NEO1: variants seen among roughly 807,000 people sequenced by gnomAD.
The protein encoded by NEO1 is neogenin 1.
A neutral mutation model predicts 159.7 loss-of-function variants in NEO1; 63 were observed. The ratio of observed to expected loss-of-function variants is 0.39; its 90% CI spans 0.32 to 0.49. The LOEUF is 0.49. Among genes scored for constraint, NEO1 ranks in the 20% least tolerant of loss-of-function variants. The probability of loss-of-function intolerance (pLI) is 0.85; values close to 1 mark genes in which losing one functional copy is unlikely to be tolerated. For missense variants in NEO1, 1,615 were observed against 1,831.0 expected (o/e 0.88, Z 2.15); for synonymous variants, 633 against 662.0 (o/e 0.96, Z 0.67).
chr15:73,186,424 A>G (rs2151992776), intron 7 of NEO1, among the ~76,000 whole-genome samples: 1 of 152,266 alleles, frequency 6.6e-6, no homozygotes, highest in East Asian at 1.9e-4. Context: ...CAGAACAGAA[A>G]CTGAGAATTT....
chr15:73,099,228 T>G, intron 1 of NEO1, among the ~76,000 whole-genome samples: 1 of 152,238 alleles, frequency 6.6e-6, no homozygotes, highest in Admixed American at 6.5e-5. Context: ...CCCTCTTTTC[T>G]TCAATATTAT....
intron 1 of NEO1, among the ~76,000 whole-genome samples, chr15:73,061,216 G>C (rs576837413): frequency 1.3e-5 from 2 of 152,300 alleles, no homozygotes; most frequent in South Asian, 4.1e-4. Context: ...GGTAGTGACA[G>C]TTGCAAGGAA....
intron 1 of NEO1, among the ~76,000 whole-genome samples, chr15:73,056,167 A>G (rs1302212847): frequency 6.6e-6 from 1 of 152,220 alleles, no homozygotes; most frequent in Non-Finnish European, 1.5e-5. Context: ...CCCAAACCCA[A>G]TAAAGCCTCA....
chr15:73,208,735 G>A (rs555187876), intron 7 of NEO1, among the ~76,000 whole-genome samples: 3 of 152,090 alleles, frequency 2.0e-5, no homozygotes, highest in Non-Finnish European at 4.4e-5. Flanking sequence ...CGTGGCACGC[G>A]CCTGTAGTCC....
At position 73,160,585 on chromosome 15, in the gene NEO1, A is replaced by G. The variant is rs1030775417; in HGVS notation, c.1016-15818A>G. On this transcript the variant is annotated intron_variant, in intron 5 of 28. Coordinates refer to ENST00000261908, the MANE Select transcript of NEO1 (RefSeq NM_002499.4). ...TGACTAGCTACAGATTGAGGTTCCC[A>G]TGATCCCCTTGTTGGGTTTTATTAA... Among the ~76,000 whole-genome samples the G allele has an allele frequency of 8.7e-4, 133 of 152,168 alleles. 1 individual carries two copies. Among genetic ancestry groups the G allele is most frequent in the African/African-American group, 3.1e-3 (128 of 41,452 alleles).
At chr15:73,250,959 G>A (rs2040037832) in intron 11 of NEO1, among the ~76,000 whole-genome samples, 1 of 152,142 alleles carries the variant, frequency 6.6e-6, no homozygotes, top group Non-Finnish European at 1.5e-5. Context: ...TGTGTACTTT[G>A]TTGGAGAATG....
intron 1 of NEO1, among the ~76,000 whole-genome samples, chr15:73,063,668 G>T (rs1470310619): frequency 6.6e-6 from 1 of 151,864 alleles, no homozygotes; most frequent in East Asian, 1.9e-4. Flanking sequence ...TTGGCCAGGA[G>T]GGTAAAATAC....
chr15:73,070,913 T>A (rs2068499347), intron 1 of NEO1, among the ~76,000 whole-genome samples: 1 of 152,228 alleles, frequency 6.6e-6, no homozygotes, highest in Admixed American at 6.5e-5. Flanking sequence ...TAAGATTATA[T>A]CTTCAGTAGG....
intron 3 of NEO1, among the ~76,000 whole-genome samples, chr15:73,123,648 A>G (rs1202638461): frequency 6.6e-6 from 1 of 151,546 alleles, no homozygotes; most frequent in East Asian, 1.9e-4. Flanking sequence ...ATCTTTTCTC[A>G]CTGTATAACT....
intron 25 of NEO1, among the ~76,000 whole-genome samples, chr15:73,290,392 CA>C (rs2042120435): frequency 3.3e-5 from 5 of 151,786 alleles, no homozygotes; most frequent in Admixed American, 3.3e-4. Context: ...AGGTGCTCGC[CA>C]CCACACCTGG....
At chr15:73,301,602 C>A in intron 28 of NEO1, 145 bp downstream of exon 28, 1 of 1,055,084 alleles carries the variant, frequency 9.5e-7, no homozygotes, top group Non-Finnish European at 1.4e-6. Flanking sequence ...TCAGTAGATA[C>A]AGTGTTGAGC....
intron 25 of NEO1, among the ~76,000 whole-genome samples, chr15:73,291,659 T>C (rs1240780344): frequency 1.3e-5 from 2 of 152,172 alleles, no homozygotes; most frequent in East Asian, 3.9e-4. Context: ...TTGCTGGTGC[T>C]GGGACATGGC....
intron 2 of NEO1, among the ~76,000 whole-genome samples, chr15:73,119,265 A>G (rs189662500): frequency 2.6e-5 from 4 of 152,200 alleles, no homozygotes; most frequent in Admixed American, 2.6e-4. Flanking sequence ...ACTTTATGGT[A>G]TATAAATTAC....
intron 22 of NEO1, among the ~76,000 whole-genome samples, chr15:73,279,122 A>G (rs2041554142): frequency 6.6e-6 from 1 of 152,196 alleles, no homozygotes; most frequent in South Asian, 2.1e-4. Flanking sequence ...CCAGACTTTA[A>G]TGAAATCAGC....
rs915102813 is a variant in NEO1, at chr15:73,140,577, CTG to C, written c.1015+4552_1015+4553del. Among the ~76,000 whole-genome samples the C allele has an allele frequency of 1.7e-3, 260 of 152,090 alleles. 1 individual carries two copies. The highest frequency in any genetic ancestry group is 6.1e-3 in the African/African-American group (254 of 41,512). On this transcript the variant is annotated intron_variant, in intron 5 of 28. Transcript: ENST00000261908. ...TCTAAAAAATAAAAACTTAAAAAAA[CTG>C]TACACAGAAATACCCTATGATATAG...
At chr15:73,194,587 A>G (rs992086305) in intron 7 of NEO1, among the ~76,000 whole-genome samples, 1 of 152,208 alleles carries the variant, frequency 6.6e-6, no homozygotes, top group Non-Finnish European at 1.5e-5. Flanking sequence ...TACTCAGTGC[A>G]AGAAAGACAT....
At chr15:73,148,866 T>C (rs2033140566) in intron 5 of NEO1, among the ~76,000 whole-genome samples, 1 of 151,984 alleles carries the variant, frequency 6.6e-6, no homozygotes, top group African/African-American at 2.4e-5. Context: ...TTTTTTTTTT[T>C]TGGCCAGGGA....
At chr15:73,299,447 G>T (rs1453224387) in intron 27 of NEO1, among the ~76,000 whole-genome samples, 2 of 151,666 alleles carry the variant, frequency 1.3e-5, no homozygotes, top group African/African-American at 2.4e-5. Flanking sequence ...GTACAGTGGG[G>T]CAATCTCGGC....
In NEO1 at chr15:73,274,062, A is replaced by G. The variant is rs892126904; in HGVS notation, c.3160+57A>G. On this transcript the variant is annotated intron_variant, in intron 20 of 28. Coordinates refer to ENST00000261908, the MANE Select transcript of NEO1 (RefSeq NM_002499.4). ...GTGTCTCTTTAGTGGGGCTATGCTGACACTATCACTTGAGCATATAGAGTC... is the reference window on the plus strand; with the variant it reads ...GTGTCTCTTTAGTGGGGCTATGCTGGCACTATCACTTGAGCATATAGAGTC... 16 of 1,488,952 alleles carry G rather than the reference A, an allele frequency of 1.1e-5. 1 individual carries two copies. Among genetic ancestry groups the G allele is most frequent in the African/African-American group, 1.4e-5 (1 of 72,146 alleles). 92.2% of individuals were successfully genotyped at this position (1,488,952 alleles called of 1,614,324 possible). A position where few individuals can be genotyped will look rare whatever the true frequency, so the allele number is the denominator to read the frequency against.
Sources: gnomAD v4.1 joint callset for allele counts (sites outside exome capture counted in the v4.1 genomes callset) on GRCh38, gnomAD v4.1.1 for gene constraint, MANE v1.5 for transcripts, NCBI Gene and HGNC (gene_info 2026-07-23, HGNC 2026-07-21) for gene names.